Variants in USP6NL observed in about 807,000 individuals in gnomAD.
USP6NL encodes the protein USP6 N-terminal-like protein.
A neutral mutation model predicts 61.9 loss-of-function variants in USP6NL; 26 were observed. The observed-to-expected ratio is 0.42, with a 90% CI of 0.31 to 0.58. USP6NL has a LOEUF of 0.58. Ranked by LOEUF, USP6NL falls within the 20% of genes least tolerant of loss-of-function variation. USP6NL has a pLI of 0.16. For missense variants in USP6NL, 1,114 were observed against 1,034.3 expected (o/e 1.08, Z -1.06); for synonymous variants, 432 against 390.1 (o/e 1.11, Z -1.27).
intron 2 of USP6NL, among the ~76,000 whole-genome samples, chr10:11,572,169 T>G (rs995800205): frequency 6.6e-6 from 1 of 151,938 alleles, no homozygotes; most frequent in Non-Finnish European, 1.5e-5. Context: ...CAATAAAAAA[T>G]TCTGACTGTA....
chr10:11,599,186 A>T (rs1336918651), intron 1 of USP6NL, among the ~76,000 whole-genome samples: 1 of 152,200 alleles, frequency 6.6e-6, no homozygotes, highest in Non-Finnish European at 1.5e-5. Flanking sequence ...GTGGACCTGG[A>T]GCATGCTGAC....
At position 11,525,830 on chromosome 10, in the gene USP6NL, G is replaced by A. The variant is rs771046851; in HGVS notation, c.73-362C>T. Among the ~76,000 whole-genome samples, 1 of 152,152 alleles carries A rather than the reference G, an allele frequency of 6.6e-6. No individual in the cohort carries two copies. The highest frequency in any genetic ancestry group is 1.5e-5 in the Non-Finnish European group (1 of 68,018). On this transcript the variant is annotated intron_variant, in intron 3 of 14. Transcript: ENST00000609104. This position sits in a 1 kb window ranked among gnomAD's most constrained non-coding sequence, Gnocchi z 5.0. ...AACCTTACAGTTCTAGACCAAACAC[G>A]TCTCAGAGAAAGAGATTTTTCTTTT...
At position 11,585,250 on chromosome 10, in the gene USP6NL, A is replaced by G. The variant is rs1050990529; in HGVS notation, c.4+12381T>C. 6.6e-6 allele frequency among the ~76,000 whole-genome samples: 1 copy of G among 152,234 alleles called. No homozygotes were observed. The highest frequency in any genetic ancestry group is 1.5e-5 in the Non-Finnish European group (1 of 68,028). On this transcript the variant is annotated intron_variant, in intron 2 of 14. Transcript: ENST00000609104. The surrounding 1 kb of genome is among the most constrained non-coding windows in gnomAD (Gnocchi z 4.5). ...ATGGAGAAAATGGAATCCTTGAGCA[A>G]TGTAAGCCGGTGCAACCACTATGGA...
At chr10:11,550,066 AGGTATCTATAT>A (rs922675678) in intron 2 of USP6NL, among the ~76,000 whole-genome samples, 1 of 152,244 alleles carries the variant, frequency 6.6e-6, no homozygotes, top group African/African-American at 2.4e-5. Context: ...TGAAATAACT[AGGTATCTATAT>A]GGTATCTATA....
At chr10:11,580,182 A>G (rs1252342220) in intron 2 of USP6NL, among the ~76,000 whole-genome samples, 2 of 152,214 alleles carry the variant, frequency 1.3e-5, no homozygotes, top group African/African-American at 4.8e-5. Flanking sequence ...GTCCTGAGTA[A>G]CATCTGAAGC....
chr10:11,486,158 T>TAAA (rs3057313), intron 10 of USP6NL, among the ~76,000 whole-genome samples: 2 of 139,800 alleles, frequency 1.4e-5, no homozygotes, highest in Non-Finnish European at 1.5e-5. Flanking sequence ...AGGGAAACCT[T>TAAA]AAAAAAAAAA....
rs148688028 is a variant in USP6NL at position 11,482,991 on chromosome 10, G to A, written c.926-1069C>T. Among the ~76,000 whole-genome samples the A allele has an allele frequency of 1.1e-3, 161 of 152,240 alleles. No homozygotes were observed. Among genetic ancestry groups the A allele is most frequent in the African/African-American group, 3.7e-3 (155 of 41,516 alleles). ...TCACATACTTATCTGTCCATAGTGAGAACATTTAAGATGTACTCTCAGCAA... is the reference window on the plus strand; with the variant it reads ...TCACATACTTATCTGTCCATAGTGAAAACATTTAAGATGTACTCTCAGCAA... On this transcript the variant is annotated intron_variant, in intron 13 of 14. Transcript: ENST00000609104. This position sits in a 1 kb window ranked among gnomAD's most constrained non-coding sequence, Gnocchi z 4.0.
In USP6NL at chr10:11,462,417, T is replaced by G; in HGVS notation, c.*24A>C. 6.2e-7 allele frequency: 1 copy of G among 1,602,234 alleles called. No individual in the cohort carries two copies. The highest frequency in any genetic ancestry group is 8.5e-7 in the Non-Finnish European group (1 of 1,174,040). On this transcript the variant is annotated 3_prime_UTR_variant, in exon 15 of 15. Coordinates refer to ENST00000609104, the MANE Select transcript of USP6NL (RefSeq NM_014688.5). ...TAGGTTTCACGTGGTTTCTCTCTCG[T>G]CTTTAGCAAGTACACGTCAAATCTC...
In USP6NL at chr10:11,597,722, T is replaced by G; in HGVS notation, c.-83-5A>C. The G allele has an allele frequency of 9.8e-7, 1 of 1,024,434 alleles. No homozygotes were observed. Among genetic ancestry groups the G allele is most frequent in the South Asian group, 1.4e-5 (1 of 70,110 alleles). 63.5% of individuals were successfully genotyped at this position (1,024,434 alleles called of 1,614,324 possible). A position where few individuals can be genotyped will look rare whatever the true frequency, so the allele number is the denominator to read the frequency against. On this transcript the variant is annotated splice_polypyrimidine_tract_variant and splice_region_variant and intron_variant, in intron 1 of 14. Coordinates refer to ENST00000609104, the MANE Select transcript of USP6NL (RefSeq NM_014688.5). The surrounding 1 kb of genome is among the most constrained non-coding windows in gnomAD (Gnocchi z 4.6). Reference sequence around the variant, plus strand: ...TTTCTCAGAGGAATACATGTCCTAGTCAGGAAACAAAGAGAAAGAAATAGT... The same window carrying G: ...TTTCTCAGAGGAATACATGTCCTAGGCAGGAAACAAAGAGAAAGAAATAGT...
chr10:11,523,831 G>T (rs187648384), intron 4 of USP6NL, among the ~76,000 whole-genome samples: 1 of 152,242 alleles, frequency 6.6e-6, no homozygotes, highest in Admixed American at 6.5e-5. Context: ...AGAAACACTT[G>T]GGAAGGTCAA....
rs1176048946 is a variant in USP6NL at position 11,468,248 on chromosome 10, C to T, written c.1079-4399G>A. Among the ~76,000 whole-genome samples, 2 of 152,128 alleles carry T rather than the reference C, an allele frequency of 1.3e-5. No homozygotes were observed. The highest frequency in any genetic ancestry group is 2.4e-5 in the African/African-American group (1 of 41,420). ...AAAAGTGGAACTACATTTTTCTTAT[C>T]GCTGCCCTTCAAACACCTGCTTGGC... On this transcript the variant is annotated intron_variant, in intron 14 of 14. Coordinates refer to ENST00000609104, the MANE Select transcript of USP6NL (RefSeq NM_014688.5). This position sits in a 1 kb window ranked among gnomAD's most constrained non-coding sequence, Gnocchi z 4.5.
In USP6NL at chr10:11,490,350, T is replaced by G. The variant is rs533868067; in HGVS notation, c.543+482A>C. Reference sequence around the variant, plus strand: ...AATGCCTTAAGAAGAGCATGTCTATTACCGAAGAGTTTAGCCTCCTCCTGG... The same window carrying G: ...AATGCCTTAAGAAGAGCATGTCTATGACCGAAGAGTTTAGCCTCCTCCTGG... On this transcript the variant is annotated intron_variant, in intron 9 of 14. Coordinates refer to ENST00000609104, the MANE Select transcript of USP6NL (RefSeq NM_014688.5). The surrounding 1 kb of genome is among the most constrained non-coding windows in gnomAD (Gnocchi z 4.5). Among the ~76,000 whole-genome samples, 3 of 152,340 alleles carry G rather than the reference T, an allele frequency of 2.0e-5. No homozygotes were observed. The South Asian group carries it at 6.2e-4, about 32-fold the overall frequency.
chr10:11,463,223 G>C lies in USP6NL; in HGVS notation c.1705C>G (p.Leu569Val), dbSNP rs2096224536. Reference sequence around the variant, plus strand: ...GGGCTCTGGGAGTAAGCCCTTTCCAGCGCCTCCTCCACGGAAGCGCCGCTG... The same window carrying C: ...GGGCTCTGGGAGTAAGCCCTTTCCACCGCCTCCTCCACGGAAGCGCCGCTG... ...LDSGASVEEA[L>V]ERAYSQSPRH... The change falls in exon 15 of 15, where the codon CTG (leucine) becomes GTG (valine). Residue 569 changes from leucine (L) to valine (V), a missense_variant. Leu to Val is a conservative substitution (Grantham distance 32). Coordinates refer to ENST00000609104, the MANE Select transcript of USP6NL (RefSeq NM_014688.5). This position sits in a 1 kb window ranked among gnomAD's most constrained non-coding sequence, Gnocchi z 6.3. The C allele has an allele frequency of 2.5e-6, 4 of 1,613,356 alleles. No homozygotes were observed. The highest frequency in any genetic ancestry group is 2.5e-6 in the Non-Finnish European group (3 of 1,179,896).
intron 3 of USP6NL, 135 bp downstream of exon 3, chr10:11,527,365 C>T (rs1440146391): frequency 1.3e-5 from 9 of 709,002 alleles, no homozygotes; most frequent in South Asian, 7.4e-5. Flanking sequence ...ATGAAGTCAG[C>T]GAAGATGATC....
chr10:11,469,734 G>A (rs1407754169), intron 14 of USP6NL, among the ~76,000 whole-genome samples: 1 of 152,178 alleles, frequency 6.6e-6, no homozygotes, highest in Non-Finnish European at 1.5e-5. Flanking sequence ...CACAGTGGGG[G>A]ATGGGCATTC....
At position 11,525,876 on chromosome 10, in the gene USP6NL, C is replaced by G. The variant is rs1299896263; in HGVS notation, c.73-408G>C. Among the ~76,000 whole-genome samples the G allele has an allele frequency of 6.6e-6, 1 of 152,220 alleles. No individual in the cohort carries two copies. Among genetic ancestry groups the G allele is most frequent in the African/African-American group, 2.4e-5 (1 of 41,456 alleles). On this transcript the variant is annotated intron_variant, in intron 3 of 14. Transcript: ENST00000609104. The surrounding 1 kb of genome is among the most constrained non-coding windows in gnomAD (Gnocchi z 5.0). ...CTTTTTTGCCTTTTTATGCAAACTC[C>G]TTAGAGAAGCAGGCAGAGAAGCTCC...
rs1591891364 is a variant in USP6NL, at chr10:11,528,208, C to T, written c.5-641G>A. Among the ~76,000 whole-genome samples the T allele has an allele frequency of 1.3e-5, 2 of 150,088 alleles. No homozygotes were observed. Among genetic ancestry groups the T allele is most frequent in the East Asian group, 2.0e-4 (1 of 5,108 alleles). On this transcript the variant is annotated intron_variant, in intron 2 of 14. Coordinates refer to ENST00000609104, the MANE Select transcript of USP6NL (RefSeq NM_014688.5). The surrounding 1 kb of genome is among the most constrained non-coding windows in gnomAD (Gnocchi z 4.6). ...GAGACTTTCAAAAACATAAATCTGACAACAAAAGTCGAGATCATAACATGA... is the reference window on the plus strand; with the variant it reads ...GAGACTTTCAAAAACATAAATCTGATAACAAAAGTCGAGATCATAACATGA...
Position 11,592,624 on chromosome 10 carries a change from A to G in USP6NL, c.4+5007T>C, listed in dbSNP as rs183382312. On this transcript the variant is annotated intron_variant, in intron 2 of 14. Transcript: ENST00000609104. This position sits in a 1 kb window ranked among gnomAD's most constrained non-coding sequence, Gnocchi z 4.7. ...TAAATAACAGACATGCTGGCATTTCAAAGACAATTCAACTTAAATTTTCTT... is the reference window on the plus strand; with the variant it reads ...TAAATAACAGACATGCTGGCATTTCGAAGACAATTCAACTTAAATTTTCTT... Among the ~76,000 whole-genome samples the G allele has an allele frequency of 2.0e-5, 3 of 152,362 alleles. No homozygotes were observed. The East Asian group carries it at 5.8e-4, about 29-fold the overall frequency.
Position 11,501,133 on chromosome 10 carries a change from T to C in USP6NL, c.352A>G (p.Lys118Glu). Reference sequence around the variant, plus strand: ...AGGTCCCTTGTTTCTTCTTTCATTTTAGGGATCTCAAGAAGGAGGGCCCAG... The same window carrying C: ...AGGTCCCTTGTTTCTTCTTTCATTTCAGGGATCTCAAGAAGGAGGGCCCAG... ...EVWALLLEIPKMKEETRDLYS... is the reference protein window; with the variant it reads ...EVWALLLEIPEMKEETRDLYS... Residue 118 changes from lysine to glutamate, a missense_variant, in exon 7 of 15, where the codon AAA becomes GAA. Physicochemically the swap from Lys to Glu is moderately conservative, Grantham distance 56 (BLOSUM62 1). Coordinates refer to ENST00000609104, the MANE Select transcript of USP6NL (RefSeq NM_014688.5). The C allele has an allele frequency of 1.2e-6, 2 of 1,613,020 alleles. No homozygotes were observed. The highest frequency in any genetic ancestry group is 2.2e-5 in the East Asian group (1 of 44,860).
Sources: allele counts gnomAD v4.1 joint callset (sites outside exome capture counted in the v4.1 genomes callset), GRCh38; gene constraint gnomAD v4.1.1; non-coding constraint Gnocchi (gnomAD v3.1); transcripts MANE v1.5; gene names NCBI Gene and HGNC (gene_info 2026-07-23, HGNC 2026-07-21).